ALG5: variants seen among roughly 807,000 people sequenced by gnomAD.
ALG5 encodes ALG5 dolichyl-phosphate beta-glucosyltransferase, also known as dolichyl-phosphate beta-glucosyltransferase.
ALG5 carries 26 observed loss-of-function variants against 51.8 expected under a neutral mutation model. The ratio of observed to expected loss-of-function variants is 0.50; its 90% CI spans 0.37 to 0.70. The LOEUF (loss-of-function observed/expected upper bound fraction) is 0.70. ALG5 is among the 30% of genes least tolerant of loss of function. ALG5 has a pLI of 0.00. For synonymous variants in ALG5, 141 were observed against 136.1 expected, an observed-to-expected ratio of 1.04 and a Z score of -0.25; for missense variants, 311 against 399.3, an observed-to-expected ratio of 0.78 and a Z score of 1.88.
At chr13:36,980,130 A>G (rs908269545) in intron 6 of ALG5, among the ~76,000 whole-genome samples, 1 of 152,102 alleles carries the variant, frequency 6.6e-6, no homozygotes, top group Non-Finnish European at 1.5e-5. Context: ...TGAAATACAC[A>G]CTTTTTAGCA....
At chr13:36,973,754 TAC>T (rs1310764765) in intron 6 of ALG5, among the ~76,000 whole-genome samples, 1 of 151,982 alleles carries the variant, frequency 6.6e-6, no homozygotes, top group Non-Finnish European at 1.5e-5. Flanking sequence ...TACCCAAAAA[TAC>T]AGTTGGAAAA....
At chr13:36,960,514 A>G (rs1257788450) in intron 8 of ALG5, among the ~76,000 whole-genome samples, 2 of 151,938 alleles carry the variant, frequency 1.3e-5, no homozygotes, top group East Asian at 3.9e-4. Flanking sequence ...AGAAAAAAAC[A>G]TATATATATT....
intron 6 of ALG5, among the ~76,000 whole-genome samples, chr13:36,973,335 A>G (rs1314825226): frequency 1.3e-5 from 2 of 152,190 alleles, no homozygotes; most frequent in African/African-American, 4.8e-5. Flanking sequence ...CACATACACA[A>G]AGCCATATGA....
At chr13:36,970,568 C>A (rs1490890704) in intron 7 of ALG5, among the ~76,000 whole-genome samples, 1 of 135,892 alleles carries the variant, frequency 7.4e-6, no homozygotes, top group African/African-American at 2.8e-5. Context: ...CCACTGCACT[C>A]CAACTTGGGT....
At chr13:36,961,197 C>T (rs1433333015) in intron 8 of ALG5, among the ~76,000 whole-genome samples, 3 of 152,102 alleles carry the variant, frequency 2.0e-5, no homozygotes, top group Non-Finnish European at 4.4e-5. Context: ...GGGAGGATCA[C>T]GTGAGCTCAG....
chr13:36,953,254 T>G (rs550331234), intron 8 of ALG5, among the ~76,000 whole-genome samples: 1 of 152,352 alleles, frequency 6.6e-6, no homozygotes, highest in South Asian at 2.1e-4. Flanking sequence ...CTTGTCCTAA[T>G]ATATACTGTT....
At chr13:36,955,963 G>C (rs1380317661) in intron 8 of ALG5, among the ~76,000 whole-genome samples, 1 of 152,070 alleles carries the variant, frequency 6.6e-6, no homozygotes, top group East Asian at 1.9e-4. Flanking sequence ...TATTAGATTG[G>C]ATCCCAAAAG....
At chr13:36,998,920 G>C (rs2059067287) in intron 1 of ALG5, 1 of 284,580 alleles carries the variant, frequency 3.5e-6, no homozygotes, top group Non-Finnish European at 6.5e-6. Context: ...GGTTGACAGA[G>C]GAGGTGGGTA....
intron 6 of ALG5, among the ~76,000 whole-genome samples, chr13:36,976,707 C>A (rs971687253): frequency 3.3e-5 from 5 of 151,668 alleles, no homozygotes; most frequent in African/African-American, 1.2e-4. Context: ...GAGATCGCAC[C>A]ACTGCACTCC....
chr13:36,954,403 C>T (rs1031541067), intron 8 of ALG5, among the ~76,000 whole-genome samples: 2 of 152,212 alleles, frequency 1.3e-5, no homozygotes, highest in African/African-American at 4.8e-5. Flanking sequence ...TTATGTATCC[C>T]AGGTCTTGAA....
chr13:36,971,733 A>G (rs2058924612), intron 7 of ALG5, among the ~76,000 whole-genome samples: 1 of 152,078 alleles, frequency 6.6e-6, no homozygotes, highest in East Asian at 1.9e-4. Context: ...TATATTAAAA[A>G]GAACTGCTTC....
intron 6 of ALG5, among the ~76,000 whole-genome samples, chr13:36,982,092 A>AAAAC (rs551296238): frequency 1.1e-4 from 17 of 152,072 alleles, no homozygotes; most frequent in South Asian, 2.1e-4. Context: ...CTCTGTCTCA[A>AAAAC]AAACAAACAA....
In ALG5 at chr13:36,986,810, C is replaced by A. The variant is rs143772579; in HGVS notation, c.448-1070G>T. Among the ~76,000 whole-genome samples the A allele has an allele frequency of 2.0e-4, 31 of 152,164 alleles. 1 individual carries two copies. The East Asian group carries it at 6.0e-3, about 29-fold the overall frequency. ...GATATAGTGGCACATGCCTGTAGTC[C>A]CAGCTACTTGGGAGGCTGAGGTGGT... On this transcript the variant is annotated intron_variant, in intron 5 of 9. Coordinates refer to ENST00000239891, the MANE Select transcript of ALG5 (RefSeq NM_013338.5).
intron 5 of ALG5, 24 bp from the exon 6 acceptor site, chr13:36,985,764 A>G (rs774054500): frequency 6.5e-7 from 1 of 1,538,196 alleles, no homozygotes; most frequent in South Asian, 1.1e-5. Context: ...TTTCAAGTCA[A>G]AGAAAATTGG....
rs543832880 is a variant in ALG5 at position 36,993,664 on chromosome 13, A to C, written c.294T>G (p.Asp98Glu). Reference sequence around the variant, plus strand: ...CTATCACTTCATAAGTGAACGCAGGATCTCGTTTCTGCAAGAAACAAAAAT... The same window carrying C: ...CTATCACTTCATAAGTGAACGCAGGCTCTCGTTTCTGCAAGAAACAAAAAT... Reference protein sequence around the residue: ...LSYLEKRQKRDPAFTYEVIVV... With the variant: ...LSYLEKRQKREPAFTYEVIVV... Residue 98 changes from aspartate (D) to glutamate (E), a missense_variant, in exon 4 of 10, where the codon GAT (aspartate) becomes GAG (glutamate). Coordinates refer to ENST00000239891, the MANE Select transcript of ALG5 (RefSeq NM_013338.5). 6.2e-7 allele frequency: 1 copy of C among 1,613,390 alleles called. No homozygotes were observed. The highest frequency in any genetic ancestry group is 1.3e-5 in the African/African-American group (1 of 75,062).
In ALG5 at chr13:36,951,929, T is replaced by A. The variant is rs1406873144; in HGVS notation, c.859+585A>T. On this transcript the variant is annotated intron_variant, in intron 9 of 9. Coordinates refer to ENST00000239891, the MANE Select transcript of ALG5 (RefSeq NM_013338.5). ...ACTCCTGACTAGCTGGGATTACAGG[T>A]GCCTGACACCACGCCCGGCCATCTT... Among the ~76,000 whole-genome samples the A allele has an allele frequency of 2.0e-5, 3 of 152,134 alleles. No individual in the cohort carries two copies. In the East Asian group the frequency reaches 5.8e-4, roughly 29 times the overall value.
chr13:36,993,748 T>C, intron 3 of ALG5, 76 bp from the exon 4 acceptor site: 2 of 1,207,422 alleles, frequency 1.7e-6, no homozygotes, highest in Non-Finnish European at 2.4e-6. Context: ...ACCAGTAATT[T>C]AAAAAACAAC....
In ALG5 at chr13:36,971,260, TA is replaced by T. The variant is rs35271751; in HGVS notation, c.621+716del. Reference sequence around the variant, plus strand: ...AGTGTTTTTCTAAGAGGAATGAGGTTAAAAAAAAATTTTTAACTGAATAAAA... The same window carrying T: ...AGTGTTTTTCTAAGAGGAATGAGGTTAAAAAAAATTTTTAACTGAATAAAA... On this transcript the variant is annotated intron_variant, in intron 7 of 9. Transcript: ENST00000239891. 1.3e-4 allele frequency among the ~76,000 whole-genome samples: 20 copies of T among 151,928 alleles called. No individual in the cohort carries two copies. The South Asian group carries it at 2.3e-3, about 17-fold the overall frequency.
intron 6 of ALG5, among the ~76,000 whole-genome samples, chr13:36,975,048 T>C (rs2058943824): frequency 1.3e-5 from 2 of 152,098 alleles, no homozygotes; most frequent in African/African-American, 4.8e-5. Context: ...CTGTCTCTAC[T>C]AAAAATACAA....
Sources: allele counts gnomAD v4.1 joint callset (sites outside exome capture counted in the v4.1 genomes callset), GRCh38; gene constraint gnomAD v4.1.1; transcripts MANE v1.5; gene names NCBI Gene and HGNC (gene_info 2026-07-23, HGNC 2026-07-21).